Variants in APBA2 observed in about 807,000 individuals in gnomAD.
APBA2 encodes the protein amyloid-beta A4 precursor protein-binding family A member 2.
A neutral mutation model predicts 75.0 loss-of-function variants in APBA2; 30 were observed. The observed-to-expected ratio is 0.40, with a 90% CI of 0.30 to 0.54. APBA2 has a LOEUF of 0.54. Ranked by LOEUF, APBA2 falls within the 20% of genes least tolerant of loss-of-function variation. The probability of loss-of-function intolerance (pLI) is 0.49; values close to 1 mark genes in which losing one functional copy is unlikely to be tolerated. For synonymous variants in APBA2, 444 were observed against 409.6 expected (o/e 1.08, Z -1.01); for missense variants, 801 against 1,016.1 (o/e 0.79, Z 2.88).
intron 1 of APBA2, among the ~76,000 whole-genome samples, chr15:28,897,719 G>A (rs1042324845): frequency 1.3e-5 from 2 of 151,514 alleles, no homozygotes; most frequent in East Asian, 3.9e-4. Context: ...GTAGACATTC[G>A]TACAACTGCT....
chr15:29,052,073 T>C (rs571191347), intron 3 of APBA2, among the ~76,000 whole-genome samples: 1 of 152,256 alleles, frequency 6.6e-6, no homozygotes, highest in East Asian at 1.9e-4. Flanking sequence ...TTTTAAATAA[T>C]TGAACTATCA....
intron 6 of APBA2, among the ~76,000 whole-genome samples, chr15:29,078,367 C>T (rs1190805256): frequency 6.6e-6 from 1 of 152,092 alleles, no homozygotes; most frequent in Non-Finnish European, 1.5e-5. Context: ...AATCCCAGCA[C>T]TTTGGGAGGC....
chr15:29,032,921 A>G (rs1215403143), intron 3 of APBA2, among the ~76,000 whole-genome samples: 1 of 152,222 alleles, frequency 6.6e-6, no homozygotes, highest in African/African-American at 2.4e-5. Context: ...AGACAGACAC[A>G]CTGATTGGCC....
At chr15:29,042,732 C>T (rs1049586123) in intron 3 of APBA2, among the ~76,000 whole-genome samples, 4 of 152,036 alleles carry the variant, frequency 2.6e-5, no homozygotes, top group Non-Finnish European at 5.9e-5. Flanking sequence ...CACAGGGCAA[C>T]AAGCAGAAGC....
intron 3 of APBA2, among the ~76,000 whole-genome samples, chr15:28,997,300 A>C (rs11853980): frequency 0.034 from 5,214 of 152,220 alleles, 304 homozygotes; most frequent in African/African-American, 0.12. Flanking sequence ...GTGATTATTA[A>C]TGGGTTTGGA....
chr15:29,074,264 G>C (rs2042749619), intron 4 of APBA2, among the ~76,000 whole-genome samples: 1 of 152,158 alleles, frequency 6.6e-6, no homozygotes, highest in African/African-American at 2.4e-5. Context: ...TAGATGACTG[G>C]ATAAACAAGA....
At chr15:28,990,407 A>AG (rs1234683275) in intron 2 of APBA2, 2 of 152,074 alleles carry the variant, frequency 1.3e-5, no homozygotes, top group East Asian at 1.9e-4. Context: ...AAAAAAAAAA[A>AG]AAAGAACAAG....
intron 6 of APBA2, among the ~76,000 whole-genome samples, chr15:29,084,673 A>G (rs2043212253): frequency 6.6e-6 from 1 of 152,226 alleles, no homozygotes; most frequent in Non-Finnish European, 1.5e-5. Flanking sequence ...TGGGGATCCA[A>G]ACAAAACCCG....
chr15:29,112,159 G>A (rs559442989), intron 13 of APBA2, among the ~76,000 whole-genome samples: 82 of 152,190 alleles, frequency 5.4e-4, no homozygotes, highest in Non-Finnish European at 9.7e-4. Context: ...GCAGCCACTC[G>A]GCACCTTGTA....
chr15:28,923,183 G>GA (rs1027849637), intron 2 of APBA2, among the ~76,000 whole-genome samples: 1 of 152,038 alleles, frequency 6.6e-6, no homozygotes, highest in East Asian at 1.9e-4. Context: ...TAAGTTTTAT[G>GA]AAAAAAATAG....
chr15:28,986,427 G>A (rs1213531317), intron 2 of APBA2, among the ~76,000 whole-genome samples: 2 of 152,222 alleles, frequency 1.3e-5, no homozygotes, highest in Non-Finnish European at 2.9e-5. Context: ...TCCGTAAGAA[G>A]GAGCGCCACT....
At chr15:28,988,472 C>T (rs1255256895) in intron 2 of APBA2, among the ~76,000 whole-genome samples, 1 of 152,156 alleles carries the variant, frequency 6.6e-6, no homozygotes, top group Non-Finnish European at 1.5e-5. Flanking sequence ...CCATGTTGGC[C>T]AGGCTGGTCT....
At chr15:29,055,522 A>T (rs2041844082) in intron 4 of APBA2, among the ~76,000 whole-genome samples, 1 of 152,220 alleles carries the variant, frequency 6.6e-6, no homozygotes, top group Admixed American at 6.5e-5. Flanking sequence ...CTTCCAAAAA[A>T]AGCCTCACTG....
chr15:29,012,634 T>C (rs1566905537), intron 3 of APBA2, among the ~76,000 whole-genome samples: 1 of 152,218 alleles, frequency 6.6e-6, no homozygotes, highest in Non-Finnish European at 1.5e-5. Flanking sequence ...ATTCATTGTA[T>C]ACTTTGGGCT....
At chr15:29,104,083 A>G (rs932922017) in intron 10 of APBA2, among the ~76,000 whole-genome samples, 7 of 152,206 alleles carry the variant, frequency 4.6e-5, no homozygotes, top group Admixed American at 3.9e-4. Context: ...CGCGCTTCTA[A>G]TCCGGCCCAG....
chr15:28,898,690 A>G (rs1190789349), intron 1 of APBA2, among the ~76,000 whole-genome samples: 1 of 152,190 alleles, frequency 6.6e-6, no homozygotes, highest in Non-Finnish European at 1.5e-5. Context: ...GTATGTATAT[A>G]TTTCAAGAAA....
intron 2 of APBA2, among the ~76,000 whole-genome samples, chr15:28,946,422 G>A (rs2035553321): frequency 6.6e-6 from 1 of 152,192 alleles, no homozygotes; most frequent in South Asian, 2.1e-4. Flanking sequence ...GATGGAGGAA[G>A]CGGCTGCAAG....
At chr15:28,994,081 A>G (rs1198859747) in intron 2 of APBA2, among the ~76,000 whole-genome samples, 2 of 152,146 alleles carry the variant, frequency 1.3e-5, no homozygotes, top group Non-Finnish European at 2.9e-5. Context: ...CTCACCCAGA[A>G]ATTACTTATT....
At chr15:29,090,182 G>T (rs904675391) in intron 6 of APBA2, among the ~76,000 whole-genome samples, 6 of 152,198 alleles carry the variant, frequency 3.9e-5, no homozygotes, top group African/African-American at 1.4e-4. Flanking sequence ...GGCATGGAAG[G>T]CCCCCAGGCA....
Sources: gnomAD v4.1 joint callset for allele counts (sites outside exome capture counted in the v4.1 genomes callset) on GRCh38, gnomAD v4.1.1 for gene constraint, MANE v1.5 for transcripts, NCBI Gene and HGNC (gene_info 2026-07-23, HGNC 2026-07-21) for gene names.